Variants in BTD observed in about 807,000 individuals in gnomAD.
The protein encoded by BTD is biocytinase.
A neutral mutation model predicts 17.7 loss-of-function variants in BTD; 13 were observed. That is an observed-to-expected ratio of 0.74 (90% CI 0.48 to 1.17). The LOEUF (loss-of-function observed/expected upper bound fraction) is 1.17, where lower values mean the gene tolerates loss of function less well. BTD is among the 50% of genes most tolerant of loss of function. The pLI, the probability that BTD is intolerant of heterozygous loss-of-function variation, is 0.00. For missense variants in BTD, 674 were observed against 650.4 expected (o/e 1.04, Z -0.39); for synonymous variants, 240 against 245.2 (o/e 0.98, Z 0.20).
At chr3:15,687,314 G>A (rs1458464311) in intron 3 of BTD, among the ~76,000 whole-genome samples, 1 of 151,786 alleles carries the variant, frequency 6.6e-6, no homozygotes, top group Admixed American at 6.6e-5. Context: ...GTTATTTATG[G>A]CTGAAATAAT....
At chr3:15,683,410 C>G (rs1475888003) in intron 3 of BTD, among the ~76,000 whole-genome samples, 4 of 152,132 alleles carry the variant, frequency 2.6e-5, no homozygotes, top group Non-Finnish European at 4.4e-5. Flanking sequence ...GAGTACTAGT[C>G]TCTGGCCACT....
chr3:15,710,780 T>C (rs186972044), exon 4 of BTD, among the ~76,000 whole-genome samples: 25 of 152,222 alleles, frequency 1.6e-4, no homozygotes, highest in Admixed American at 1.4e-3. Flanking sequence ...AATCTCAAAC[T>C]TTCCTCTTCC....
intron 1 of BTD, among the ~76,000 whole-genome samples, chr3:15,608,301 G>C (rs2064515070): frequency 6.6e-6 from 1 of 152,160 alleles, no homozygotes. Flanking sequence ...CATCCATTAT[G>C]GGTTTTGGGT....
At chr3:15,663,556 G>A (rs1291315554) in intron 3 of BTD, among the ~76,000 whole-genome samples, 1 of 152,002 alleles carries the variant, frequency 6.6e-6, no homozygotes, top group South Asian at 2.1e-4. Flanking sequence ...GTACATTTTG[G>A]CAAATTGTCT....
chr3:15,707,258 GA>G (rs61116421), intron 3 of BTD, among the ~76,000 whole-genome samples: 74,874 of 150,378 alleles, frequency 0.5, 20,383 homozygotes, highest in Middle Eastern at 0.61. Flanking sequence ...CGTGCAAGAA[GA>G]AAAAAAAAAT....
chr3:15,643,191 G>T (rs2065584242), intron 3 of BTD, among the ~76,000 whole-genome samples: 1 of 151,990 alleles, frequency 6.6e-6, no homozygotes, highest in Non-Finnish European at 1.5e-5. Flanking sequence ...CCATCCTTTG[G>T]TCAATGCAAG....
chr3:15,720,973 G>T, intron 4 of BTD: 1 of 1,613,884 alleles, frequency 6.2e-7, no homozygotes, highest in South Asian at 1.1e-5. Context: ...TGCTCCATGT[G>T]TTGATGCAGC....
rs760928105 is a variant in BTD, at chr3:15,642,100, G to A, written c.399+43G>A. 5 of 1,611,480 alleles carry A rather than the reference G, an allele frequency of 3.1e-6. No homozygotes were observed. The Admixed American group carries it at 8.4e-5, about 27-fold the overall frequency. On this transcript the variant is annotated intron_variant, in intron 3 of 3. Transcript: ENST00000643237. ...CCTCAGTAGGCTGAGGGTACACAGA[G>A]GTGATCTAAGTCAGGGACCAGAAGC...
chr3:15,680,779 C>CCTGGG lies in BTD; in HGVS notation c.400-29279_400-29278insGGGCT, dbSNP rs1444324116. On this transcript the variant is annotated intron_variant, in intron 3 of 3. Transcript: ENST00000672141. ...CTCCTGGGCTCAAGTGATCCTCCCACCTCAGCCTCCTGAGTTGCTAAGACA... is the reference window on the plus strand; with the variant it reads ...CTCCTGGGCTCAAGTGATCCTCCCACCTGGGCTCAGCCTCCTGAGTTGCTAAGACA... Among the ~76,000 whole-genome samples the CCTGGG allele has an allele frequency of 6.9e-3, 1,047 of 152,188 alleles. 13 individuals carry two copies. The highest frequency in any genetic ancestry group is 0.024 in the African/African-American group (1,001 of 41,496).
At chr3:15,621,479 G>A (rs746716976) in intron 1 of BTD, among the ~76,000 whole-genome samples, 2 of 152,050 alleles carry the variant, frequency 1.3e-5, no homozygotes, top group Non-Finnish European at 2.9e-5. Context: ...GGTGATCTCT[G>A]TTTTAAAATA....
chr3:15,711,650 G>T (rs1373321786), exon 4 of BTD, among the ~76,000 whole-genome samples: 1 of 151,942 alleles, frequency 6.6e-6, no homozygotes. Flanking sequence ...GAGATTAACT[G>T]CTAATGGTCT....
At chr3:15,665,678 A>G (rs1207414073) in intron 3 of BTD, among the ~76,000 whole-genome samples, 1 of 152,242 alleles carries the variant, frequency 6.6e-6, no homozygotes, top group African/African-American at 2.4e-5. Context: ...GGCAGAGAAT[A>G]CTGCCCCATC....
intron 1 of BTD, among the ~76,000 whole-genome samples, chr3:15,623,842 G>A (rs575886217): frequency 6.6e-5 from 10 of 152,298 alleles, no homozygotes; most frequent in African/African-American, 9.6e-5. Context: ...CCCTTCTGCC[G>A]TGATTCTAAG....
Position 15,606,469 on chromosome 3 carries a change from C to G in BTD, c.-17+4575C>G, listed in dbSNP as rs1372620531. 5.3e-5 allele frequency: 8 copies of G among 152,296 alleles called. No homozygotes were observed. The South Asian group carries it at 6.2e-4, about 12-fold the overall frequency. 9.4% of individuals were successfully genotyped at this position (152,296 alleles called of 1,614,324 possible). A position where few individuals can be genotyped will look rare whatever the true frequency, so the allele number is the denominator to read the frequency against. On this transcript the variant is annotated intron_variant, in intron 1 of 3. Coordinates refer to ENST00000643237, the MANE Select transcript of BTD (RefSeq NM_001370658.1). Reference sequence around the variant, plus strand: ...CAAGACTGATTTGACATTGACAGAACAAGCTGTATCGATGGTAGTCAGTTC... The same window carrying G: ...CAAGACTGATTTGACATTGACAGAAGAAGCTGTATCGATGGTAGTCAGTTC...
chr3:15,719,424 G>A (rs1220978244), intron 4 of BTD, among the ~76,000 whole-genome samples: 1 of 152,122 alleles, frequency 6.6e-6, no homozygotes, highest in Non-Finnish European at 1.5e-5. Flanking sequence ...CTCAAAGGAT[G>A]AATTGATAAA....
At chr3:15,611,909 T>C (rs2064647670) in intron 1 of BTD, among the ~76,000 whole-genome samples, 1 of 152,112 alleles carries the variant, frequency 6.6e-6, no homozygotes, top group Non-Finnish European at 1.5e-5. Context: ...CATTTATAGA[T>C]TTCTCTTTGT....
At chr3:15,700,233 T>C (rs1369277303) in intron 3 of BTD, among the ~76,000 whole-genome samples, 1 of 151,818 alleles carries the variant, frequency 6.6e-6, no homozygotes, top group African/African-American at 2.4e-5. Context: ...CACTCTTAAG[T>C]GGAAGTTGAG....
intron 3 of BTD, chr3:15,696,386 TG>T: frequency 1.8e-6 from 1 of 547,298 alleles, no homozygotes; most frequent in East Asian, 3.1e-5. Context: ...ACTATAAAAA[TG>T]TCATTTAAAT....
intron 3 of BTD, chr3:15,709,656 A>G (rs2071959046): frequency 6.4e-7 from 1 of 1,562,482 alleles, no homozygotes; most frequent in Non-Finnish European, 8.7e-7. Context: ...AAGAAACTGT[A>G]TCATACCCTA....
Sources: allele counts gnomAD v4.1 joint callset (sites outside exome capture counted in the v4.1 genomes callset), GRCh38; gene constraint gnomAD v4.1.1; transcripts MANE v1.5; gene names NCBI Gene and HGNC (gene_info 2026-07-23, HGNC 2026-07-21).